DTNA: variants seen among roughly 807,000 people sequenced by gnomAD.
DTNA encodes dystrophin-related protein 3.
A neutral mutation model predicts 100.7 loss-of-function variants in DTNA; 43 were observed. The observed-to-expected ratio is 0.43, with a 90% confidence interval of 0.33 to 0.55. The LOEUF (loss-of-function observed/expected upper bound fraction) is 0.55. Ranked by LOEUF, DTNA falls within the 20% of genes least tolerant of loss-of-function variation. The probability of loss-of-function intolerance (pLI) is 0.04; values close to 1 mark genes in which losing one functional copy is unlikely to be tolerated. For missense variants in DTNA, 798 were observed against 953.9 expected, an observed-to-expected ratio of 0.84 and a Z score of 2.15; for synonymous variants, 349 against 347.9, an observed-to-expected ratio of 1.00 and a Z score of -0.04.
At chr18:34,494,006 G>A (rs1601043533) in intron 1 of DTNA, 2 of 150,474 alleles carry the variant, frequency 1.3e-5, no homozygotes. Flanking sequence ...CGGCCCGGGG[G>A]CGCGGGGCCG....
intron 21 of DTNA, among the ~76,000 whole-genome samples, chr18:34,883,337 G>C (rs922238237): frequency 6.6e-6 from 1 of 151,494 alleles, no homozygotes; most frequent in African/African-American, 2.4e-5. Context: ...TTTGAGACAG[G>C]GTCTCATTCT....
chr18:34,836,155 G>T (rs946687247), intron 11 of DTNA, among the ~76,000 whole-genome samples: 1 of 152,168 alleles, frequency 6.6e-6, no homozygotes, highest in African/African-American at 2.4e-5. Context: ...TGCAGTTTTG[G>T]TGGGGTAACT....
chr18:34,643,067 CAAAA>C (rs975165628), intron 1 of DTNA, among the ~76,000 whole-genome samples: 1 of 151,576 alleles, frequency 6.6e-6, no homozygotes, highest in Non-Finnish European at 1.5e-5. Context: ...TGGAAACAAA[CAAAA>C]AAAAGGAATT....
In DTNA at chr18:34,875,322, C is replaced by T; in HGVS notation, c.1827C>T (p.Ala609=). 6.2e-7 allele frequency: 1 copy of T among 1,614,232 alleles called. No homozygotes were observed. The highest frequency in any genetic ancestry group is 2.2e-5 in the East Asian group (1 of 44,882). ...PIPMPIRSAS[A]CSTPTHTPQD... is the part of the protein sequence containing the mutation. ...CCATGCCCATCCGGTCAGCGTCAGC[C>T]TGCTCCACCCCGACGCACACGCCGC... The change falls in exon 18 of 23, where the codon GCC becomes GCT. Residue 609 remains alanine (A), a synonymous_variant. Transcript: ENST00000444659.
At chr18:34,716,034 GTA>G (rs1400464917) in intron 1 of DTNA, among the ~76,000 whole-genome samples, 6 of 152,166 alleles carry the variant, frequency 3.9e-5, no homozygotes, top group African/African-American at 1.4e-4. Context: ...ATATAGCAGT[GTA>G]CACTGGGTGC....
chr18:34,840,075 T>C (rs2096240608), intron 13 of DTNA, among the ~76,000 whole-genome samples: 1 of 152,246 alleles, frequency 6.6e-6, no homozygotes, highest in African/African-American at 2.4e-5. Flanking sequence ...AGATAATTTT[T>C]AGTTCTCATG....
intron 5 of DTNA, among the ~76,000 whole-genome samples, chr18:34,806,840 A>G (rs894576868): frequency 1.3e-5 from 2 of 152,224 alleles, no homozygotes; most frequent in African/African-American, 2.4e-5. Context: ...GCTAAAGTAC[A>G]TTGAGTAATT....
chr18:34,541,667 A>G (rs2044260053), intron 1 of DTNA, among the ~76,000 whole-genome samples: 1 of 152,126 alleles, frequency 6.6e-6, no homozygotes, highest in Non-Finnish European at 1.5e-5. Context: ...CAGTGTGAGA[A>G]CAGACTAATA....
At chr18:34,842,725 G>T (rs1568734786) in intron 13 of DTNA, among the ~76,000 whole-genome samples, 1 of 152,092 alleles carries the variant, frequency 6.6e-6, no homozygotes, top group Non-Finnish European at 1.5e-5. Context: ...TGCTTGTCTA[G>T]CTTCCAATCT....
At chr18:34,627,627 A>G (rs1040103036) in intron 1 of DTNA, among the ~76,000 whole-genome samples, 1 of 152,172 alleles carries the variant, frequency 6.6e-6, no homozygotes, top group Non-Finnish European at 1.5e-5. Context: ...CTCTGGCCCC[A>G]TCATCTTTAT....
chr18:34,663,403 G>A (rs183033900), intron 1 of DTNA, among the ~76,000 whole-genome samples: 13 of 152,206 alleles, frequency 8.5e-5, no homozygotes, highest in African/African-American at 1.2e-4. Context: ...AGGCTCAAGC[G>A]ATTCTCCTGC....
At chr18:34,842,883 GGCTGACTGGTTA>G (rs2096295974) in intron 13 of DTNA, among the ~76,000 whole-genome samples, 3 of 152,168 alleles carry the variant, frequency 2.0e-5, no homozygotes, top group South Asian at 4.2e-4. Context: ...TTGGTTGGTT[GGCTGACTGGTTA>G]GTTGGTTGGT....
intron 6 of DTNA, among the ~76,000 whole-genome samples, chr18:34,812,646 A>C (rs1474417831): frequency 1.3e-5 from 2 of 152,040 alleles, no homozygotes; most frequent in Admixed American, 1.3e-4. Context: ...TGGGGGAACC[A>C]CCCCATGATC....
intron 1 of DTNA, among the ~76,000 whole-genome samples, chr18:34,702,586 C>A (rs1298177846): frequency 3.9e-5 from 6 of 152,168 alleles, no homozygotes. Context: ...TCCCCACGTC[C>A]AGAACCTCAG....
Position 34,864,058 on chromosome 18 carries a change from TA to T in DTNA, c.1742del (p.Lys581ArgfsTer44). 6.2e-7 allele frequency: 1 copy of T among 1,608,204 alleles called. No individual in the cohort carries two copies. The highest frequency in any genetic ancestry group is 8.5e-7 in the Non-Finnish European group (1 of 1,177,268). On this transcript the variant is annotated frameshift_variant, in exon 17 of 23. Transcript: ENST00000444659. ...MVQLEGLMKL[L>X]KTQGAGSPRS... ...CAGTTGGAGGGTCTCATGAAGCTAC[TA>T]AAGGTAAGACCTGCCAGATAAATTT...
Position 34,654,357 on chromosome 18 carries a change from A to G in DTNA, c.-1-101619A>G, listed in dbSNP as rs189911317. Among the ~76,000 whole-genome samples the G allele has an allele frequency of 3.1e-3, 474 of 152,332 alleles. 2 individuals carry two copies. Among genetic ancestry groups the G allele is most frequent in the African/African-American group, 0.011 (442 of 41,576 alleles). On this transcript the variant is annotated intron_variant, in intron 1 of 19. Transcript: ENST00000283365. ...ACCAGTTACTGAGTGACAGTCGTGT[A>G]CTAGGTACAATACATTCATTATCTA... is the stretch of plus-strand genomic sequence containing the variant.
chr18:34,547,034 T>C (rs975530882), intron 1 of DTNA, among the ~76,000 whole-genome samples: 6 of 152,176 alleles, frequency 3.9e-5, no homozygotes, highest in Admixed American at 3.9e-4. Flanking sequence ...ATTATAAATC[T>C]GCTGTTATGA....
chr18:34,801,572 G>A (rs1267616385), intron 4 of DTNA, among the ~76,000 whole-genome samples: 2 of 149,644 alleles, frequency 1.3e-5, no homozygotes, highest in South Asian at 2.1e-4. Context: ...GTGCAGTGGC[G>A]CGATCTTGGC....
At chr18:34,655,775 A>G (rs1009580039) in intron 1 of DTNA, among the ~76,000 whole-genome samples, 3 of 152,192 alleles carry the variant, frequency 2.0e-5, no homozygotes, top group African/African-American at 7.2e-5. Flanking sequence ...ATTTGAGCAC[A>G]ATAAAACTCT....
Sources: gnomAD v4.1 joint callset for allele counts (sites outside exome capture counted in the v4.1 genomes callset) on GRCh38, gnomAD v4.1.1 for gene constraint, MANE v1.5 for transcripts, NCBI Gene and HGNC (gene_info 2026-07-23, HGNC 2026-07-21) for gene names.